SIL1: variants seen among roughly 807,000 people sequenced by gnomAD.
SIL1 encodes the protein SIL1 nucleotide exchange factor.
SIL1 carries 40 observed loss-of-function variants against 49.1 expected under a neutral mutation model. The ratio of observed to expected loss-of-function variants is 0.81; its 90% CI spans 0.63 to 1.06. SIL1 has a LOEUF of 1.06. SIL1 is among the 50% of genes least tolerant of loss of function. The pLI is 0.00. For missense variants in SIL1, 500 were observed against 572.6 expected (o/e 0.87, Z 1.29); for synonymous variants, 253 against 250.8 (o/e 1.01, Z -0.08).
chr5:139,082,734 T>C (rs1032905708), intron 3 of SIL1, among the ~76,000 whole-genome samples: 3 of 152,232 alleles, frequency 2.0e-5, no homozygotes, highest in African/African-American at 7.2e-5. Context: ...AATGCCAGGT[T>C]AGGGCCAAGG....
At chr5:139,191,848 C>T (rs1197157441) in intron 1 of SIL1, among the ~76,000 whole-genome samples, 4 of 151,698 alleles carry the variant, frequency 2.6e-5, no homozygotes, top group Non-Finnish European at 4.4e-5. Flanking sequence ...AGGCCGAGGC[C>T]GGCAGATCTC....
At chr5:139,198,185 C>A (rs1752317336) in intron 1 of SIL1, 84 bp downstream of exon 1, 1 of 152,442 alleles carries the variant, frequency 6.6e-6, no homozygotes, top group African/African-American at 2.4e-5. Context: ...GGGAAGGCGC[C>A]GAGGCCGCCG....
At chr5:139,116,363 G>A (rs990936417) in intron 3 of SIL1, among the ~76,000 whole-genome samples, 1 of 151,568 alleles carries the variant, frequency 6.6e-6, no homozygotes, top group Non-Finnish European at 1.5e-5. Context: ...GGCTTCCTGC[G>A]TGCTCACATT....
chr5:139,171,992 A>G (rs1751781667), intron 1 of SIL1, among the ~76,000 whole-genome samples: 1 of 152,182 alleles, frequency 6.6e-6, no homozygotes. Context: ...ATTCAAAGGC[A>G]GATTTGAGCA....
At chr5:139,023,050 T>C (rs994430139) in intron 6 of SIL1, among the ~76,000 whole-genome samples, 1 of 152,210 alleles carries the variant, frequency 6.6e-6, no homozygotes, top group African/African-American at 2.4e-5. Context: ...CCCAGAATCA[T>C]GGACCTTCTG....
At chr5:139,095,351 C>T (rs1770435154) in intron 3 of SIL1, among the ~76,000 whole-genome samples, 1 of 151,506 alleles carries the variant, frequency 6.6e-6, no homozygotes, top group African/African-American at 2.4e-5. Flanking sequence ...GCAACCTCCA[C>T]CTCCTGGGTT....
At chr5:139,008,882 G>C (rs902135370) in intron 7 of SIL1, among the ~76,000 whole-genome samples, 143 of 152,136 alleles carry the variant, frequency 9.4e-4, no homozygotes, top group African/African-American at 3.1e-3. Context: ...TTACTTCCAA[G>C]TATGTGGTCA....
At chr5:139,103,327 C>T (rs759886663) in intron 3 of SIL1, among the ~76,000 whole-genome samples, 20 of 152,204 alleles carry the variant, frequency 1.3e-4, no homozygotes, top group Non-Finnish European at 2.6e-4. Flanking sequence ...TTTCCCCCTG[C>T]CCCTTTCCTT....
intron 4 of SIL1, among the ~76,000 whole-genome samples, chr5:139,044,657 C>A (rs1253854991): frequency 2.0e-5 from 3 of 152,178 alleles, no homozygotes; most frequent in Non-Finnish European, 4.4e-5. Flanking sequence ...TGTCCCTGAT[C>A]CTATTAAACT....
intron 1 of SIL1, among the ~76,000 whole-genome samples, chr5:139,160,244 T>A (rs1407615050): frequency 6.6e-6 from 1 of 151,350 alleles, no homozygotes; most frequent in Non-Finnish European, 1.5e-5. Flanking sequence ...CCTACAACCC[T>A]AGCCAGAAGA....
At chr5:138,973,199 T>TC in intron 7 of SIL1, among the ~76,000 whole-genome samples, 1 of 121,672 alleles carries the variant, frequency 8.2e-6, no homozygotes, top group South Asian at 2.7e-4. Context: ...ACTTGAAGTA[T>TC]TTAAAAAAAA....
At chr5:138,969,150 GA>G (rs1253758120) in intron 7 of SIL1, among the ~76,000 whole-genome samples, 2 of 152,084 alleles carry the variant, frequency 1.3e-5, no homozygotes, top group Non-Finnish European at 2.9e-5. Context: ...GTAGCAGAAA[GA>G]AAAAAAGATT....
intron 3 of SIL1, among the ~76,000 whole-genome samples, chr5:139,096,878 C>A (rs755601205): frequency 2.6e-5 from 4 of 151,930 alleles, no homozygotes; most frequent in African/African-American, 4.8e-5. Flanking sequence ...GAGCACCAAG[C>A]AGGGCCCTGG....
chr5:139,065,228 C>T (rs972345480), intron 3 of SIL1, among the ~76,000 whole-genome samples: 1 of 152,214 alleles, frequency 6.6e-6, no homozygotes, highest in African/African-American at 2.4e-5. Context: ...GCCTGTACCA[C>T]ATCGAAAACA....
At chr5:138,955,584 C>T (rs981039585) in intron 7 of SIL1, among the ~76,000 whole-genome samples, 5 of 152,184 alleles carry the variant, frequency 3.3e-5, no homozygotes, top group Admixed American at 2.6e-4. Flanking sequence ...AGGAGCTGAC[C>T]ACAGGGAAGG....
At chr5:139,137,388 C>CA (rs11431215) in intron 1 of SIL1, 701,852 of 701,906 alleles carry the variant, frequency 1, 350,899 homozygotes, top group East Asian at 1. Flanking sequence ...AGTTTGGCCC[C>CA]AAAGCCATGC....
At chr5:138,993,441 T>C (rs1176433573) in intron 7 of SIL1, among the ~76,000 whole-genome samples, 1 of 152,190 alleles carries the variant, frequency 6.6e-6, no homozygotes, top group African/African-American at 2.4e-5. Flanking sequence ...CTTCCAGAAA[T>C]ATGATGTCTA....
chr5:139,173,688 T>A (rs1412061645), intron 1 of SIL1, among the ~76,000 whole-genome samples: 1 of 151,114 alleles, frequency 6.6e-6, no homozygotes, highest in African/African-American at 2.4e-5. Context: ...GGCTCATGCC[T>A]GTAATCCCAG....
intron 1 of SIL1, among the ~76,000 whole-genome samples, chr5:139,197,334 A>G (rs999214586): frequency 6.6e-6 from 1 of 151,488 alleles, no homozygotes; most frequent in Admixed American, 6.6e-5. Context: ...GCAAATATGT[A>G]AGTTTCATTC....
Sources: gnomAD v4.1 joint callset for allele counts (sites outside exome capture counted in the v4.1 genomes callset) on GRCh38, gnomAD v4.1.1 for gene constraint, MANE v1.5 for transcripts, NCBI Gene and HGNC (gene_info 2026-07-23, HGNC 2026-07-21) for gene names.